The following ARMC3 variants were observed in gnomAD, a reference collection of about 807,000 sequenced individuals.
The protein encoded by ARMC3 is armadillo repeat-containing protein 3.
A neutral mutation model predicts 90.3 loss-of-function variants in ARMC3; 74 were observed. The observed-to-expected ratio is 0.82, with a 90% CI of 0.68 to 0.99. ARMC3 has a LOEUF of 0.99. Among genes scored for constraint, ARMC3 ranks in the 50% least tolerant of loss-of-function variants. The pLI, the probability that ARMC3 is intolerant of heterozygous loss-of-function variation, is 0.00. For synonymous variants in ARMC3, 334 were observed against 361.8 expected, an observed-to-expected ratio of 0.92 and a Z score of 0.87; for missense variants, 958 against 1,042.8, an observed-to-expected ratio of 0.92 and a Z score of 1.12.
At position 22,958,825 on chromosome 10, in the gene ARMC3, G is replaced by T. The variant is rs528308118; in HGVS notation, c.293-245G>T. Among the ~76,000 whole-genome samples, 9 of 152,172 alleles carry T rather than the reference G, an allele frequency of 5.9e-5. No homozygotes were observed. The East Asian group carries it at 1.7e-3, about 29-fold the overall frequency. Reference sequence around the variant, plus strand: ...CAACCTCTGCCTCCCAGGTTCAAGCGATTCTCCTGCCTCAGCCTCCCAAGT... The same window carrying T: ...CAACCTCTGCCTCCCAGGTTCAAGCTATTCTCCTGCCTCAGCCTCCCAAGT... On this transcript the variant is annotated intron_variant, in intron 4 of 18. Coordinates refer to ENST00000298032, the MANE Select transcript of ARMC3 (RefSeq NM_173081.5).
intron 8 of ARMC3, among the ~76,000 whole-genome samples, chr10:22,974,193 T>TG (rs1835818159): frequency 6.6e-6 from 1 of 152,210 alleles, no homozygotes; most frequent in Admixed American, 6.5e-5. Flanking sequence ...TTATCAAACA[T>TG]GGTCTTGGCA....
intron 11 of ARMC3, among the ~76,000 whole-genome samples, chr10:23,001,163 C>T (rs916745776): frequency 2.0e-5 from 3 of 152,130 alleles, no homozygotes; most frequent in South Asian, 2.1e-4. Context: ...TTGCTGGCAT[C>T]GGTTCATCCA....
Position 23,001,868 on chromosome 10 carries a change from A to G in ARMC3, c.1426-51A>G, listed in dbSNP as rs748647856. 5.1e-6 allele frequency: 8 copies of G among 1,563,400 alleles called. No individual in the cohort carries two copies. The Admixed American group carries it at 1.3e-4, about 26-fold the overall frequency. ...TAATGAGATTTTTTTAAAAGCACAA[A>G]TAGTTACATTCTACACTCTTAATGT... On this transcript the variant is annotated intron_variant, in intron 11 of 18. Coordinates refer to ENST00000298032, the MANE Select transcript of ARMC3 (RefSeq NM_173081.5).
chr10:22,988,995 T>C (rs779227547), intron 10 of ARMC3, among the ~76,000 whole-genome samples: 4 of 152,218 alleles, frequency 2.6e-5, no homozygotes, highest in Non-Finnish European at 4.4e-5. Context: ...CTTTGTTGCA[T>C]AGGGTTTTTC....
chr10:22,983,965 C>T (rs1836298280), intron 10 of ARMC3, among the ~76,000 whole-genome samples: 1 of 152,176 alleles, frequency 6.6e-6, no homozygotes, highest in South Asian at 2.1e-4. Flanking sequence ...TCCATTCAAT[C>T]ATTTCCCCAG....
chr10:23,023,359 T>C (rs906964522), intron 16 of ARMC3, among the ~76,000 whole-genome samples: 1 of 152,148 alleles, frequency 6.6e-6, no homozygotes, highest in Non-Finnish European at 1.5e-5. Flanking sequence ...TCTGCAGAAC[T>C]CCAGGGAGAC....
chr10:23,007,940 C>CA (rs1837706151), intron 14 of ARMC3, among the ~76,000 whole-genome samples: 1 of 151,928 alleles, frequency 6.6e-6, no homozygotes, highest in Non-Finnish European at 1.5e-5. Flanking sequence ...CCCATCTATA[C>CA]AAAAAATACA....
chr10:22,984,709 A>G (rs1836337402), intron 10 of ARMC3, among the ~76,000 whole-genome samples: 1 of 152,178 alleles, frequency 6.6e-6, no homozygotes, highest in Non-Finnish European at 1.5e-5. Context: ...TCTGATCATC[A>G]CCTTAATTGA....
intron 10 of ARMC3, among the ~76,000 whole-genome samples, chr10:22,986,684 T>C (rs1170485032): frequency 6.6e-6 from 1 of 151,788 alleles, no homozygotes; most frequent in Non-Finnish European, 1.5e-5. Flanking sequence ...CAATCAATAA[T>C]GGCCATTACT....
At chr10:22,997,590 A>T (rs936153292) in intron 10 of ARMC3, among the ~76,000 whole-genome samples, 4 of 152,222 alleles carry the variant, frequency 2.6e-5, no homozygotes, top group African/African-American at 9.6e-5. Flanking sequence ...AAACCTGTTC[A>T]TCTTTGCCTA....
chr10:22,975,372 T>C (rs1274120286), intron 8 of ARMC3, among the ~76,000 whole-genome samples: 2 of 152,072 alleles, frequency 1.3e-5, no homozygotes, highest in Admixed American at 6.6e-5. Context: ...CTGGCCAACA[T>C]GGTGAAACCG....
rs527697163 is a variant in ARMC3, at chr10:23,030,392, G to A, written c.2046-204G>A. Among the ~76,000 whole-genome samples, 9 of 152,182 alleles carry A rather than the reference G, an allele frequency of 5.9e-5. No homozygotes were observed. In the South Asian group the frequency reaches 1.2e-3, roughly 21 times the overall value. On this transcript the variant is annotated intron_variant, in intron 16 of 18. Coordinates refer to ENST00000298032, the MANE Select transcript of ARMC3 (RefSeq NM_173081.5). ...GTATTTTCAGTCACATTTGGTTGTG[G>A]AATGCGGAACCCATGGATAAGAAGG...
chr10:22,939,393 T>C (rs1441000592), intron 2 of ARMC3, among the ~76,000 whole-genome samples: 1 of 152,126 alleles, frequency 6.6e-6, no homozygotes, highest in African/African-American at 2.4e-5. Context: ...TGCCGTTAAG[T>C]CAAACCCTCT....
Position 23,037,647 on chromosome 10 carries a change from T to A in ARMC3, c.*168T>A. ...AAGCTTGGAGTGAACTTTGCTGTGC[T>A]TCTGATTTCAGGCTTTTGGCAAGAG... is the stretch of plus-strand genomic sequence containing the variant. On this transcript the variant is annotated 3_prime_UTR_variant, in exon 19 of 19. Transcript: ENST00000298032. 1.5e-6 allele frequency: 1 copy of A among 660,414 alleles called. No individual in the cohort carries two copies. Among genetic ancestry groups the A allele is most frequent in the East Asian group, 2.9e-5 (1 of 34,348 alleles). 40.9% of individuals were successfully genotyped at this position (660,414 alleles called of 1,614,324 possible).
chr10:22,988,939 G>C (rs1245873170), intron 10 of ARMC3, among the ~76,000 whole-genome samples: 1 of 152,198 alleles, frequency 6.6e-6, no homozygotes, highest in African/African-American at 2.4e-5. Flanking sequence ...TTGTAGACTT[G>C]ATGTATAGGT....
At chr10:23,021,122 G>A (rs986854650) in intron 16 of ARMC3, among the ~76,000 whole-genome samples, 9 of 152,270 alleles carry the variant, frequency 5.9e-5, no homozygotes, top group South Asian at 2.1e-4. Flanking sequence ...CTGCATCCAC[G>A]CTGCTGGAAA....
At chr10:22,952,567 A>T (rs567586951) in intron 3 of ARMC3, among the ~76,000 whole-genome samples, 1 of 152,042 alleles carries the variant, frequency 6.6e-6, no homozygotes, top group Non-Finnish European at 1.5e-5. Context: ...CCAGGTCCAG[A>T]TGGTTTTACT....
At chr10:23,013,994 G>C in intron 16 of ARMC3, 2 of 1,284,234 alleles carry the variant, frequency 1.6e-6, no homozygotes, top group Non-Finnish European at 2.1e-6. Flanking sequence ...ACAGATGTTT[G>C]ACTCCTTTAC....
intron 16 of ARMC3, among the ~76,000 whole-genome samples, chr10:23,024,090 CTA>C (rs1192391223): frequency 6.6e-6 from 1 of 152,092 alleles, no homozygotes; most frequent in Non-Finnish European, 1.5e-5. Context: ...CAAAGAAAAA[CTA>C]TGCATTTCTT....
Sources: gnomAD v4.1 joint callset for allele counts (sites outside exome capture counted in the v4.1 genomes callset) on GRCh38, gnomAD v4.1.1 for gene constraint, MANE v1.5 for transcripts, NCBI Gene and HGNC (gene_info 2026-07-23, HGNC 2026-07-21) for gene names.